Variants in ROBO2 observed in about 807,000 individuals in gnomAD.
ROBO2 encodes the protein roundabout guidance receptor 2.
ROBO2 carries 53 observed loss-of-function variants against 160.8 expected under a neutral mutation model. The observed-to-expected ratio is 0.33, with a 90% confidence interval of 0.26 to 0.41. The LOEUF (loss-of-function observed/expected upper bound fraction) is 0.41. ROBO2 is among the 10% of genes least tolerant of loss of function. The probability of loss-of-function intolerance (pLI) is 1.00; values close to 1 mark genes in which losing one functional copy is unlikely to be tolerated. For synonymous variants in ROBO2, 664 were observed against 611.7 expected (o/e 1.09, Z -1.26); for missense variants, 1,577 against 1,722.4 (o/e 0.92, Z 1.49).
intron 2 of ROBO2, among the ~76,000 whole-genome samples, chr3:76,404,461 C>T (rs1453507708): frequency 6.6e-6 from 1 of 151,340 alleles, no homozygotes; most frequent in Non-Finnish European, 1.5e-5. Flanking sequence ...AATAGTAATG[C>T]CATTGGCCTA....
intron 1 of ROBO2, among the ~76,000 whole-genome samples, chr3:77,043,836 AC>A (rs1459504918): frequency 1.3e-5 from 2 of 152,142 alleles, no homozygotes; most frequent in African/African-American, 4.8e-5. Context: ...TCTCATCTTT[AC>A]CCTTTAACTA....
chr3:77,160,334 T>C (rs1173245358), intron 2 of ROBO2, among the ~76,000 whole-genome samples: 1 of 151,910 alleles, frequency 6.6e-6, no homozygotes, highest in East Asian at 1.9e-4. Context: ...AAAGAAAGAA[T>C]GATAATTATT....
intron 2 of ROBO2, among the ~76,000 whole-genome samples, chr3:77,383,416 TTAAAA>T (rs2073764018): frequency 6.6e-6 from 1 of 152,058 alleles, no homozygotes; most frequent in Admixed American, 6.5e-5. Context: ...TTCCTATTAA[TTAAAA>T]TATTTATTTT....
chr3:76,181,404 T>G (rs1228345776), intron 2 of ROBO2, among the ~76,000 whole-genome samples: 1 of 152,072 alleles, frequency 6.6e-6, no homozygotes, highest in Non-Finnish European at 1.5e-5. Context: ...TTCAAATGAG[T>G]CGATTCAGCA....
chr3:76,420,465 C>T (rs1404021892), intron 2 of ROBO2, among the ~76,000 whole-genome samples: 1 of 152,142 alleles, frequency 6.6e-6, no homozygotes, highest in African/African-American at 2.4e-5. Context: ...AGATGTTAGT[C>T]TAAAAAGTTG....
chr3:77,427,207 T>C (rs1233829681), intron 2 of ROBO2, among the ~76,000 whole-genome samples: 1 of 152,228 alleles, frequency 6.6e-6, no homozygotes, highest in Non-Finnish European at 1.5e-5. Flanking sequence ...CTCTTGCCGC[T>C]GATCCTGAAG....
intron 2 of ROBO2, among the ~76,000 whole-genome samples, chr3:77,136,110 G>T (rs2076256607): frequency 6.6e-6 from 1 of 152,076 alleles, no homozygotes; most frequent in South Asian, 2.1e-4. Context: ...TTTGGGACAT[G>T]GTTGTACATA....
chr3:76,237,503 T>C (rs1456723984), intron 2 of ROBO2, among the ~76,000 whole-genome samples: 1 of 152,134 alleles, frequency 6.6e-6, no homozygotes, highest in Admixed American at 6.5e-5. Flanking sequence ...CCATGTCAAA[T>C]AGAAAAATAA....
intron 2 of ROBO2, among the ~76,000 whole-genome samples, chr3:76,319,348 T>G (rs1187717990): frequency 6.6e-6 from 1 of 152,274 alleles, no homozygotes; most frequent in East Asian, 1.9e-4. Context: ...ATTAAGTAAG[T>G]GTTCAAAGCT....
intron 2 of ROBO2, among the ~76,000 whole-genome samples, chr3:76,257,794 T>C (rs1208057515): frequency 6.6e-6 from 1 of 152,174 alleles, no homozygotes; most frequent in Non-Finnish European, 1.5e-5. Flanking sequence ...CACAATTCCT[T>C]TCTCTCACTT....
intron 2 of ROBO2, among the ~76,000 whole-genome samples, chr3:76,970,570 A>G (rs1178800456): frequency 6.6e-6 from 1 of 152,158 alleles, no homozygotes; most frequent in Admixed American, 6.6e-5. Context: ...CAAGCTGCAG[A>G]AGGGCTACAT....
chr3:76,698,963 G>A (rs1036976383), intron 2 of ROBO2, among the ~76,000 whole-genome samples: 1 of 152,122 alleles, frequency 6.6e-6, no homozygotes, highest in Non-Finnish European at 1.5e-5. Context: ...TTTTTTAAAA[G>A]TATGTAACAT....
At chr3:76,267,919 C>T (rs1707194900) in intron 2 of ROBO2, among the ~76,000 whole-genome samples, 1 of 152,122 alleles carries the variant, frequency 6.6e-6, no homozygotes, top group South Asian at 2.1e-4. Context: ...CACAGCTGTA[C>T]TATGCTTCAC....
intron 2 of ROBO2, among the ~76,000 whole-genome samples, chr3:76,803,367 GAGGAGGAGGAGGATACAGAAA>G (rs1385071976): frequency 4.7e-4 from 70 of 149,808 alleles, no homozygotes; most frequent in African/African-American, 1.5e-3. Context: ...GGAGGAGGAA[GAGGAGGAGGAGGATACAGAAA>G]AGGAGGAGGA....
At chr3:76,558,783 A>G (rs2083974021) in intron 2 of ROBO2, among the ~76,000 whole-genome samples, 1 of 152,136 alleles carries the variant, frequency 6.6e-6, no homozygotes, top group African/African-American at 2.4e-5. Context: ...TATTACATAG[A>G]TATAGGCATA....
chr3:76,361,878 A>G (rs2075544093), intron 2 of ROBO2, among the ~76,000 whole-genome samples: 1 of 152,146 alleles, frequency 6.6e-6, no homozygotes, highest in South Asian at 2.1e-4. Flanking sequence ...TAAGGTGTAC[A>G]AAGTGAAAGC....
chr3:76,357,361 C>A (rs1030100849), intron 2 of ROBO2, among the ~76,000 whole-genome samples: 1 of 151,850 alleles, frequency 6.6e-6, no homozygotes, highest in African/African-American at 2.4e-5. Flanking sequence ...TACTACTCAG[C>A]AATACAAAAG....
intron 2 of ROBO2, among the ~76,000 whole-genome samples, chr3:76,923,239 C>G (rs957905220): frequency 6.6e-6 from 1 of 152,142 alleles, no homozygotes; most frequent in East Asian, 1.9e-4. Flanking sequence ...TCAGGAAGAA[C>G]GGCTCCCCGC....
At chr3:77,362,658 T>C (rs1180232530) in intron 2 of ROBO2, among the ~76,000 whole-genome samples, 4 of 152,104 alleles carry the variant, frequency 2.6e-5, no homozygotes, top group African/African-American at 9.7e-5. Context: ...TGGGACTAAA[T>C]TAGGCAAAGA....
Sources: gnomAD v4.1 joint callset for allele counts (sites outside exome capture counted in the v4.1 genomes callset) on GRCh38, gnomAD v4.1.1 for gene constraint, MANE v1.5 for transcripts, NCBI Gene and HGNC (gene_info 2026-07-23, HGNC 2026-07-21) for gene names.